Variants in ICAM5 observed in about 807,000 individuals in gnomAD.
The protein encoded by ICAM5 is ICAM-5.
In ICAM5, 38 loss-of-function variants were observed where a neutral mutation model predicts 78.8. The ratio of observed to expected loss-of-function variants is 0.48; its 90% CI spans 0.37 to 0.63. ICAM5 has a LOEUF of 0.63. Among genes scored for constraint, ICAM5 ranks in the 30% least tolerant of loss-of-function variants. The probability of loss-of-function intolerance (pLI) is 0.00; values close to 1 mark genes in which losing one functional copy is unlikely to be tolerated. For synonymous variants in ICAM5, 544 were observed against 590.9 expected (o/e 0.92, Z 1.15); for missense variants, 1,059 against 1,303.0 (o/e 0.81, Z 2.88).
rs571336166 is a variant in ICAM5, at chr19:10,293,005, C to G, written c.1224C>G (p.Pro408=). 3 of 1,611,128 alleles carry G rather than the reference C, an allele frequency of 1.9e-6. No homozygotes were observed. In the South Asian group the frequency reaches 3.3e-5, roughly 18 times the overall value. Residue 408 remains proline (P), a synonymous_variant, in exon 6 of 11, where the codon CCC becomes CCG. Coordinates refer to ENST00000221980, the MANE Select transcript of ICAM5 (RefSeq NM_003259.4). The surrounding 1 kb of genome is among the most constrained non-coding windows in gnomAD (Gnocchi z 5.0). The stretch of plus-strand genomic sequence containing the variant: ...CCCACGCCCTGCCCGCAGACGCTCC[C>G]CGGCTAGACGATTCGGACTGCCCCA... ...RSAELRVLYA[P]RLDDSDCPRS... is the part of the protein sequence containing the mutation.
chr19:10,295,262 CATCG>C, intron 9 of ICAM5, 80 bp from the exon 10 acceptor site: 1 of 1,396,420 alleles, frequency 7.2e-7, no homozygotes, highest in South Asian at 1.5e-5. Flanking sequence ...GGTGGTCTCC[CATCG>C]ATCGTTGTGG....
chr19:10,292,449 G>A, intron 4 of ICAM5, 127 bp downstream of exon 4: 1 of 1,362,526 alleles, frequency 7.3e-7, no homozygotes, highest in Non-Finnish European at 9.9e-7. Context: ...AGGTGGGGGC[G>A]GAGACGTAAT....
chr19:10,291,045 A>G lies in ICAM5; in HGVS notation c.83-27A>G, dbSNP rs748544440. On this transcript the variant is annotated intron_variant, in intron 1 of 10. Transcript: ENST00000221980. ...TAAGATGTCAGGGAGTTGGCTCCCC[A>G]GGCTCAGCCCGCGTTTCCCTGGGCA... The G allele has an allele frequency of 1.9e-6, 3 of 1,588,864 alleles. No homozygotes were observed. In the South Asian group the frequency reaches 3.4e-5, roughly 18 times the overall value.
At position 10,294,265 on chromosome 19, in the gene ICAM5, A is replaced by G; in HGVS notation, c.1937A>G (p.Asn646Ser). 10 of 1,613,632 alleles carry G rather than the reference A, an allele frequency of 6.2e-6. No individual in the cohort carries two copies. The highest frequency in any genetic ancestry group is 8.5e-6 in the Non-Finnish European group (10 of 1,179,960). ...CTGGCACCCGGTATCTACGTCTGCA[A>G]CGCCACCAACCGCCACGGCTCCGTG... ...RVLAPGIYVC[N>S]ATNRHGSVAK... Residue 646 changes from asparagine to serine, a missense_variant, in exon 8 of 11, where the codon AAC becomes AGC. By Grantham distance (46) the Asn-to-Ser change is conservative (BLOSUM62 1). Around this residue, in one of 3 missense-constraint regions of ICAM5, gnomAD observed 815 missense variants for 952.8 expected, o/e 0.86. Coordinates refer to ENST00000221980, the MANE Select transcript of ICAM5 (RefSeq NM_003259.4). This position sits in a 1 kb window ranked among gnomAD's most constrained non-coding sequence, Gnocchi z 7.7.
Position 10,290,420 on chromosome 19 carries a change from C to T in ICAM5, c.82+295C>T. On this transcript the variant is annotated intron_variant, in intron 1 of 10. Coordinates refer to ENST00000221980, the MANE Select transcript of ICAM5 (RefSeq NM_003259.4). This position sits in a 1 kb window ranked among gnomAD's most constrained non-coding sequence, Gnocchi z 5.7. Reference sequence around the variant, plus strand: ...TCCGCTCCCCGGGTACCTCCTTACGCTGTGCTGTGCACCATGGTCCACGGA... The same window carrying T: ...TCCGCTCCCCGGGTACCTCCTTACGTTGTGCTGTGCACCATGGTCCACGGA... 2.5e-6 allele frequency: 1 copy of T among 393,820 alleles called. No homozygotes were observed. Among genetic ancestry groups the T allele is most frequent in the South Asian group, 4.8e-5 (1 of 20,914 alleles). 24.4% of individuals were successfully genotyped at this position (393,820 alleles called of 1,614,324 possible). A position where few individuals can be genotyped will look rare whatever the true frequency, so the allele number is the denominator to read the frequency against.
Position 10,296,552 on chromosome 19 carries a change from C to CG in ICAM5, c.2717dup (p.Ala907ArgfsTer68). On this transcript the variant is annotated frameshift_variant, in exon 11 of 11. Coordinates refer to ENST00000221980, the MANE Select transcript of ICAM5 (RefSeq NM_003259.4). LOFTEE classifies it high-confidence loss of function. Reference sequence around the variant, plus strand: ...GGCGCGGAGGGCGGACCCGAGGCGGCGGGGGGCGCGGCCGAGTCGCCGGCG... The same window carrying CG: ...GGCGCGGAGGGCGGACCCGAGGCGGCGGGGGGGCGCGGCCGAGTCGCCGGCG... 1 of 1,219,776 alleles carries CG rather than the reference C, an allele frequency of 8.2e-7. No individual in the cohort carries two copies. Among genetic ancestry groups the CG allele is most frequent in the Non-Finnish European group, 1.0e-6 (1 of 972,496 alleles). The allele number at this position is 1,219,776 out of a possible 1,614,324, so 75.6% of individuals were successfully genotyped here. A position where few individuals can be genotyped will look rare whatever the true frequency, so the allele number is the denominator to read the frequency against.
chr19:10,295,164 C>A (rs372130561), intron 9 of ICAM5, among the ~76,000 whole-genome samples, 182 bp from the exon 10 acceptor site: 5 of 152,158 alleles, frequency 3.3e-5, no homozygotes, highest in African/African-American at 1.2e-4. Context: ...TGAAGAAGGG[C>A]GAGGAATTTT....
rs780790044 is a variant in ICAM5, at chr19:10,292,131, C to T, written c.770C>T (p.Ala257Val). ...TGCACTCTGGACGGACTGTTTCCAG[C>T]CTCAGAGGCCAGGGTCTACCTCGCA... Reference protein sequence around the residue: ...VSCTLDGLFPASEARVYLALG... With the variant: ...VSCTLDGLFPVSEARVYLALG... The change falls in exon 4 of 11, where the codon GCC becomes GTC. Residue 257 changes from alanine to valine, a missense_variant. This residue lies in a region of ICAM5 where 815 missense variants were observed against 952.8 expected (regional missense o/e 0.86). Coordinates refer to ENST00000221980, the MANE Select transcript of ICAM5 (RefSeq NM_003259.4). 26 of 1,613,312 alleles carry T rather than the reference C, an allele frequency of 1.6e-5. No individual in the cohort carries two copies. The Admixed American group carries it at 2.3e-4, about 14-fold the overall frequency.
chr19:10,293,873 G>A lies in ICAM5; in HGVS notation c.1641G>A (p.Ala547=), dbSNP rs577573555. The A allele has an allele frequency of 1.2e-6, 2 of 1,611,720 alleles. No homozygotes were observed. The highest frequency in any genetic ancestry group is 1.1e-5 in the South Asian group (1 of 91,078). ...TGTTGCGTGTGGCCCGGGAGCATGCGGGCACTTACCGCTGCGAAGCCACCA... is the reference window on the plus strand; with the variant it reads ...TGTTGCGTGTGGCCCGGGAGCATGCAGGCACTTACCGCTGCGAAGCCACCA... The part of the protein sequence containing the change: ...EGLLRVAREH[A]GTYRCEATNP... Residue 547 remains alanine, a synonymous_variant, in exon 7 of 11, where the codon GCG becomes GCA. Coordinates refer to ENST00000221980, the MANE Select transcript of ICAM5 (RefSeq NM_003259.4). The surrounding 1 kb of genome is among the most constrained non-coding windows in gnomAD (Gnocchi z 5.0).
chr19:10,296,312 C>A, intron 10 of ICAM5, 27 bp from the exon 11 acceptor site: 1 of 1,228,456 alleles, frequency 8.1e-7, no homozygotes, highest in Non-Finnish European at 1.0e-6. Context: ...AGCTTGGCCA[C>A]CCTCCGCGAG....
In ICAM5 at chr19:10,290,970, C is replaced by T; in HGVS notation, c.83-102C>T. On this transcript the variant is annotated intron_variant, in intron 1 of 10. Transcript: ENST00000221980. This position sits in a 1 kb window ranked among gnomAD's most constrained non-coding sequence, Gnocchi z 5.7. ...TGGGTTCTTTCCCTGGCTGCAGCCT[C>T]TCCTCCTCCTCCCCGCCCTCTGAGA... 2.1e-6 allele frequency: 3 copies of T among 1,395,630 alleles called. No individual in the cohort carries two copies. The highest frequency in any genetic ancestry group is 2.9e-6 in the Non-Finnish European group (3 of 1,041,470). The allele number at this position is 1,395,630 out of a possible 1,614,324, so 86.5% of individuals were successfully genotyped here.
rs946780555 is a variant in ICAM5, at chr19:10,294,251, T to C, written c.1923T>C (p.Gly641=). ...APRIPRVLAP[G]IYVCNATNRH... is the part of the protein sequence containing the mutation. ...GAATCCCTAGAGTCCTGGCACCCGG[T>C]ATCTACGTCTGCAACGCCACCAACC... The change falls in exon 8 of 11, where the codon GGT becomes GGC. Residue 641 remains glycine, a synonymous_variant. Coordinates refer to ENST00000221980, the MANE Select transcript of ICAM5 (RefSeq NM_003259.4). This position sits in a 1 kb window ranked among gnomAD's most constrained non-coding sequence, Gnocchi z 7.7. The C allele has an allele frequency of 7.4e-6, 12 of 1,613,668 alleles. No homozygotes were observed. Among genetic ancestry groups the C allele is most frequent in the Middle Eastern group, 1.6e-4 (1 of 6,084 alleles).
Position 10,293,627 on chromosome 19 carries a change from C to A in ICAM5, c.1466-71C>A. ...ACAACACTTCGTGGAAGCCTTGCCG[C>A]GCCAAGGAGGGTCTAGGGACGTCAG... On this transcript the variant is annotated intron_variant, in intron 6 of 10. Transcript: ENST00000221980. This position sits in a 1 kb window ranked among gnomAD's most constrained non-coding sequence, Gnocchi z 5.0. 6.4e-7 allele frequency: 1 copy of A among 1,555,082 alleles called. No homozygotes were observed. Among genetic ancestry groups the A allele is most frequent in the Non-Finnish European group, 8.7e-7 (1 of 1,148,620 alleles).
intron 9 of ICAM5, among the ~76,000 whole-genome samples, chr19:10,295,014 G>A (rs948533354): frequency 6.6e-6 from 1 of 152,140 alleles, no homozygotes; most frequent in Non-Finnish European, 1.5e-5. Context: ...CCGAGATCCC[G>A]CCACTGCACT....
At chr19:10,291,400 C>T in intron 2 of ICAM5, 59 bp downstream of exon 2, 1 of 1,605,038 alleles carries the variant, frequency 6.2e-7, no homozygotes, top group Non-Finnish European at 8.5e-7. Context: ...CAGGCCCCGC[C>T]CCCTGGGTCC....
In ICAM5 at chr19:10,293,254, G is replaced by C. The variant is rs1318234855; in HGVS notation, c.1465+8G>C. ...TAACGCTAACGGTGGAGTGTGAGTG[G>C]GGGTGCGCAGGGTGCATTTCTATCT... On this transcript the variant is annotated splice_region_variant and intron_variant, in intron 6 of 10. Coordinates refer to ENST00000221980, the MANE Select transcript of ICAM5 (RefSeq NM_003259.4). This position sits in a 1 kb window ranked among gnomAD's most constrained non-coding sequence, Gnocchi z 5.0. The C allele has an allele frequency of 6.4e-7, 1 of 1,565,878 alleles. No individual in the cohort carries two copies.
chr19:10,295,710 G>A, intron 10 of ICAM5, 98 bp downstream of exon 10: 3 of 1,340,672 alleles, frequency 2.2e-6, no homozygotes, highest in African/African-American at 1.5e-5. Flanking sequence ...TCTCGGTCCC[G>A]GTAGACTAGA....
In ICAM5 at chr19:10,293,606, C is replaced by T. The variant is rs1359437177; in HGVS notation, c.1466-92C>T. On this transcript the variant is annotated intron_variant, in intron 6 of 10. Coordinates refer to ENST00000221980, the MANE Select transcript of ICAM5 (RefSeq NM_003259.4). The surrounding 1 kb of genome is among the most constrained non-coding windows in gnomAD (Gnocchi z 5.0). ...GCGTCCAAGGGTTATGCAGGGACAA[C>T]ACTTCGTGGAAGCCTTGCCGCGCCA... is the stretch of plus-strand genomic sequence containing the variant. The T allele has an allele frequency of 6.6e-7, 1 of 1,511,810 alleles. No homozygotes were observed. The highest frequency in any genetic ancestry group is 8.9e-7 in the Non-Finnish European group (1 of 1,117,342). 93.6% of individuals were successfully genotyped at this position (1,511,810 alleles called of 1,614,324 possible).
intron 4 of ICAM5, 129 bp from the exon 5 acceptor site, chr19:10,292,483 A>G (rs1426297359): frequency 1.4e-6 from 2 of 1,397,558 alleles, no homozygotes; most frequent in Admixed American, 4.7e-5. Context: ...GAGCCTGTAC[A>G]GCCTGAGAGG....
Sources: gnomAD v4.1 joint callset for allele counts (sites outside exome capture counted in the v4.1 genomes callset) on GRCh38, gnomAD v4.1.1 for gene constraint, gnomAD v4.1.1 regional missense constraint, Gnocchi (gnomAD v3.1) non-coding constraint, MANE v1.5 for transcripts, NCBI Gene and HGNC (gene_info 2026-07-23, HGNC 2026-07-21) for gene names.